The following HDAC9 variants were observed in gnomAD, a reference collection of about 807,000 sequenced individuals.
HDAC9 encodes the protein histone deacetylase 9.
Under a neutral mutation model 139.4 loss-of-function variants are expected in HDAC9, and 41 were observed. The observed-to-expected ratio is 0.29, with a 90% CI of 0.23 to 0.38. The LOEUF is 0.38. HDAC9 is among the 10% of genes least tolerant of loss of function. The pLI is 1.00. For synonymous variants in HDAC9, 517 were observed against 476.2 expected (o/e 1.09, Z -1.12); for missense variants, 1,147 against 1,297.0 (o/e 0.88, Z 1.78).
intron 6 of HDAC9, among the ~76,000 whole-genome samples, chr7:18,620,383 A>C (rs1265478526): frequency 6.6e-6 from 1 of 152,098 alleles, no homozygotes; most frequent in Non-Finnish European, 1.5e-5. Context: ...TTTATGTTAA[A>C]AATGATAATT....
At chr7:18,133,952 A>ACACG (rs999060402) in intron 1 of HDAC9, among the ~76,000 whole-genome samples, 2 of 150,632 alleles carry the variant, frequency 1.3e-5, no homozygotes, top group African/African-American at 4.9e-5. Context: ...ACACACACAC[A>ACACG]CACACATCTC....
At chr7:18,886,297 G>A (rs1053910917) in intron 22 of HDAC9, among the ~76,000 whole-genome samples, 54 of 152,246 alleles carry the variant, frequency 3.5e-4, no homozygotes, top group African/African-American at 1.3e-3. Context: ...CTTAGGCTAG[G>A]ATGACTGCTG....
chr7:18,987,757 T>A (rs1301059740), intron 25 of HDAC9, among the ~76,000 whole-genome samples: 2 of 152,132 alleles, frequency 1.3e-5, no homozygotes, highest in Non-Finnish European at 2.9e-5. Context: ...CTGTTATTGG[T>A]CTATTCAGAG....
chr7:18,869,464 G>C (rs1798749413), intron 21 of HDAC9, among the ~76,000 whole-genome samples: 1 of 152,182 alleles, frequency 6.6e-6, no homozygotes, highest in African/African-American at 2.4e-5. Context: ...CTCCCCAGAA[G>C]CCTAGCAGAT....
At chr7:18,778,320 T>A (rs1360493333) in intron 16 of HDAC9, among the ~76,000 whole-genome samples, 1 of 151,896 alleles carries the variant, frequency 6.6e-6, no homozygotes, top group Non-Finnish European at 1.5e-5. Flanking sequence ...CAGCTATACA[T>A]AGTATTTCAA....
chr7:18,364,204 T>C (rs1455912040), intron 1 of HDAC9, among the ~76,000 whole-genome samples: 1 of 152,060 alleles, frequency 6.6e-6, no homozygotes, highest in Non-Finnish European at 1.5e-5. Context: ...TCCCAGGCTT[T>C]TGAGTTAAAC....
chr7:18,617,269 C>A (rs1838886050), intron 6 of HDAC9, among the ~76,000 whole-genome samples: 1 of 152,106 alleles, frequency 6.6e-6, no homozygotes, highest in African/African-American at 2.4e-5. Context: ...TTTACTGCCT[C>A]TTCTGTTATG....
intron 2 of HDAC9, among the ~76,000 whole-genome samples, chr7:18,163,285 A>G (rs1453592388): frequency 6.6e-6 from 1 of 152,092 alleles, no homozygotes; most frequent in Non-Finnish European, 1.5e-5. Flanking sequence ...CTTGATTCTA[A>G]ATGGTGCAGT....
At chr7:18,690,986 A>G (rs1782634297) in intron 12 of HDAC9, among the ~76,000 whole-genome samples, 1 of 152,056 alleles carries the variant, frequency 6.6e-6, no homozygotes, top group Non-Finnish European at 1.5e-5. Context: ...AACTAATATT[A>G]TCAGATGTCT....
chr7:18,639,946 C>T (rs1253131364), intron 8 of HDAC9, among the ~76,000 whole-genome samples: 1 of 151,976 alleles, frequency 6.6e-6, no homozygotes, highest in Non-Finnish European at 1.5e-5. Context: ...GACACTTAGG[C>T]CAGACTTCGT....
At chr7:18,407,096 A>G (rs980134262) in intron 1 of HDAC9, among the ~76,000 whole-genome samples, 9 of 152,222 alleles carry the variant, frequency 5.9e-5, no homozygotes, top group African/African-American at 2.2e-4. Context: ...CACTATATGT[A>G]TTTCTTTCTT....
Position 18,719,240 on chromosome 7 carries a change from T to G in HDAC9, c.1732-8340T>G, listed in dbSNP as rs1014464909. Among the ~76,000 whole-genome samples the G allele has an allele frequency of 1.1e-4, 17 of 151,864 alleles. No individual in the cohort carries two copies. The East Asian group carries it at 2.9e-3, about 26-fold the overall frequency. Reference sequence around the variant, plus strand: ...ATTTGCAGATATTTTCTCTAACTTGTGGGTTACCTTTCCACTTACTTTATG... The same window carrying G: ...ATTTGCAGATATTTTCTCTAACTTGGGGGTTACCTTTCCACTTACTTTATG... On this transcript the variant is annotated intron_variant, in intron 12 of 25. Transcript: ENST00000686413.
chr7:18,215,946 A>T (rs1437208162), intron 2 of HDAC9, among the ~76,000 whole-genome samples: 1 of 152,164 alleles, frequency 6.6e-6, no homozygotes, highest in African/African-American at 2.4e-5. Context: ...ATTCATATGC[A>T]TGATGGCTTT....
intron 22 of HDAC9, among the ~76,000 whole-genome samples, chr7:18,904,637 A>G (rs1307076620): frequency 7.7e-6 from 1 of 130,260 alleles, no homozygotes. Flanking sequence ...AAGTGCAGTG[A>G]CGCGATCCGC....
intron 22 of HDAC9, among the ~76,000 whole-genome samples, chr7:18,889,425 C>G (rs1800473669): frequency 6.7e-6 from 1 of 148,916 alleles, no homozygotes; most frequent in South Asian, 2.2e-4. Flanking sequence ...TATTGACTTT[C>G]ATGTATGGAG....
At chr7:18,859,430 C>T (rs2129231610) in intron 21 of HDAC9, among the ~76,000 whole-genome samples, 1 of 152,120 alleles carries the variant, frequency 6.6e-6, no homozygotes, top group South Asian at 2.1e-4. Context: ...GAACTCTATT[C>T]AGGCCCCAAG....
intron 1 of HDAC9, among the ~76,000 whole-genome samples, chr7:18,400,074 C>T (rs1787398175): frequency 6.6e-6 from 1 of 152,082 alleles, no homozygotes; most frequent in Non-Finnish European, 1.5e-5. Context: ...ATGGGTGAGT[C>T]TTTCTTTTAT....
At chr7:18,981,850 G>T (rs1438683034) in intron 25 of HDAC9, among the ~76,000 whole-genome samples, 2 of 152,096 alleles carry the variant, frequency 1.3e-5, no homozygotes, top group African/African-American at 2.4e-5. Flanking sequence ...GGATAGCTTT[G>T]GGGACTATTA....
At chr7:18,960,182 T>C (rs1385634147) in intron 24 of HDAC9, among the ~76,000 whole-genome samples, 2 of 152,134 alleles carry the variant, frequency 1.3e-5, no homozygotes. Flanking sequence ...TAAAGCATAA[T>C]CAGTTATCTC....
Sources: gnomAD v4.1 joint callset for allele counts (sites outside exome capture counted in the v4.1 genomes callset) on GRCh38, gnomAD v4.1.1 for gene constraint, MANE v1.5 for transcripts, NCBI Gene and HGNC (gene_info 2026-07-23, HGNC 2026-07-21) for gene names.